The following MYH6 variants were observed in gnomAD, a reference collection of about 807,000 sequenced individuals.
MYH6 encodes the protein myosin-6.
MYH6 carries 126 observed loss-of-function variants against 223.2 expected under a neutral mutation model. The observed-to-expected ratio is 0.56, with a 90% CI of 0.49 to 0.65. The LOEUF is 0.65. Ranked by LOEUF, MYH6 falls within the 30% of genes least tolerant of loss-of-function variation. MYH6 has a pLI of 0.00. For synonymous variants in MYH6, 978 were observed against 1,010.2 expected (o/e 0.97, Z 0.61); for missense variants, 2,040 against 2,536.4 (o/e 0.80, Z 4.20).
intron 3 of MYH6, among the ~76,000 whole-genome samples, chr14:23,406,194 C>A (rs1891781462): frequency 6.6e-6 from 1 of 152,210 alleles, no homozygotes; most frequent in Non-Finnish European, 1.5e-5. Flanking sequence ...TTCACCCCTG[C>A]TGGAAAAGTA....
rs371661383 is a variant in MYH6, at chr14:23,386,303, G to A, written c.4959+12C>T. 8.1e-5 allele frequency: 130 copies of A among 1,614,044 alleles called. 1 individual carries two copies. The highest frequency in any genetic ancestry group is 1.6e-4 in the African/African-American group (12 of 75,022). On this transcript the variant is annotated intron_variant, in intron 33 of 38. Transcript: ENST00000405093. ...GGCCAGTCCCCTGAGGGGACCTCCC[G>A]CCCCCATGTACCTTCAGCAAGCTCT...
Position 23,382,462 on chromosome 14 carries a change from T to C in MYH6, c.5762A>G (p.Lys1921Arg). The change falls in exon 38 of 39, where the codon AAG becomes AGG. Residue 1921 changes from lysine (K) to arginine (R), a missense_variant. Coordinates refer to ENST00000405093, the MANE Select transcript of MYH6 (RefSeq NM_002471.4). ...AATGTCACGGCTCTTGGCTCGAAGCTTGTTGACCTGGGACTCAGCGATGTC... is the reference window on the plus strand; with the variant it reads ...AATGTCACGGCTCTTGGCTCGAAGCCTGTTGACCTGGGACTCAGCGATGTC... ...RADIAESQVNKLRAKSRDIGA... is the reference protein window; with the variant it reads ...RADIAESQVNRLRAKSRDIGA... 1.2e-6 allele frequency: 2 copies of C among 1,614,120 alleles called. No homozygotes were observed. Among genetic ancestry groups the C allele is most frequent in the Middle Eastern group, 1.6e-4 (1 of 6,062 alleles).
Position 23,397,510 on chromosome 14 carries a change from C to T in MYH6, c.1962+33G>A, listed in dbSNP as rs768246569. 15 of 1,610,336 alleles carry T rather than the reference C, an allele frequency of 9.3e-6. No homozygotes were observed. In the South Asian group the frequency reaches 1.6e-4, roughly 18 times the overall value. On this transcript the variant is annotated intron_variant, in intron 16 of 38. Coordinates refer to ENST00000405093, the MANE Select transcript of MYH6 (RefSeq NM_002471.4). Reference sequence around the variant, plus strand: ...GAAGTCTCTGGGCTGGGCCATTCCACCAGGTGTCCTGGCACCCCTGGGCCC... The same window carrying T: ...GAAGTCTCTGGGCTGGGCCATTCCATCAGGTGTCCTGGCACCCCTGGGCCC...
intron 15 of MYH6, among the ~76,000 whole-genome samples, chr14:23,398,514 A>G (rs1157230879): frequency 6.6e-6 from 1 of 152,228 alleles, no homozygotes; most frequent in African/African-American, 2.4e-5. Context: ...TCTTGAGGAA[A>G]CATGAGACAG....
chr14:23,398,451 G>A (rs1891496890), intron 15 of MYH6, among the ~76,000 whole-genome samples: 1 of 152,136 alleles, frequency 6.6e-6, no homozygotes, highest in South Asian at 2.1e-4. Flanking sequence ...TTCCCTGCTG[G>A]GCATGGTACA....
chr14:23,385,876 C>T, intron 34 of MYH6, 52 bp downstream of exon 34: 2 of 1,613,010 alleles, frequency 1.2e-6, no homozygotes. Context: ...TTCTAGATGT[C>T]CTGGGCTCTG....
chr14:23,386,252 A>T, intron 33 of MYH6, 63 bp downstream of exon 33: 1 of 1,613,362 alleles, frequency 6.2e-7, no homozygotes, highest in South Asian at 1.1e-5. Flanking sequence ...GTATCCAGAC[A>T]CCACTGCTTC....
intron 26 of MYH6, 47 bp from the exon 27 acceptor site, chr14:23,389,766 G>A (rs371327775): frequency 5.3e-5 from 86 of 1,613,806 alleles, no homozygotes; most frequent in South Asian, 3.2e-4. Flanking sequence ...GGGCTGAGTC[G>A]ACCAGAGGAA....
In MYH6 at chr14:23,389,735, C is replaced by T. The variant is rs993557555; in HGVS notation, c.3733-16G>A. ...CCAGGTTTGCCTTCAGGAAGCAAGA[C>T]AGGAAGGGTGAGTGTGGGAGGGGCT... On this transcript the variant is annotated splice_polypyrimidine_tract_variant and intron_variant, in intron 26 of 38. Coordinates refer to ENST00000405093, the MANE Select transcript of MYH6 (RefSeq NM_002471.4). The T allele has an allele frequency of 6.2e-6, 10 of 1,614,060 alleles. No individual in the cohort carries two copies. Among genetic ancestry groups the T allele is most frequent in the Non-Finnish European group, 7.6e-6 (9 of 1,180,022 alleles).
Position 23,405,397 on chromosome 14 carries a change from G to A in MYH6, c.346-18C>T. The A allele has an allele frequency of 6.2e-7, 1 of 1,614,094 alleles. No homozygotes were observed. The highest frequency in any genetic ancestry group is 8.5e-7 in the Non-Finnish European group (1 of 1,179,956). ...GAGTAGGTCTGGAGCAGGAGACAAGGCTGGGCATGAGGTTGGTGGGGAGAG... is the reference window on the plus strand; with the variant it reads ...GAGTAGGTCTGGAGCAGGAGACAAGACTGGGCATGAGGTTGGTGGGGAGAG... On this transcript the variant is annotated intron_variant, in intron 4 of 38. Coordinates refer to ENST00000405093, the MANE Select transcript of MYH6 (RefSeq NM_002471.4). This position sits in a 1 kb window ranked among gnomAD's most constrained non-coding sequence, Gnocchi z 4.7.
In MYH6 at chr14:23,405,899, C is replaced by G. The variant is rs567648968; in HGVS notation, c.202-129G>C. 2 of 1,146,806 alleles carry G rather than the reference C, an allele frequency of 1.7e-6. No homozygotes were observed. The highest frequency in any genetic ancestry group is 1.5e-5 in the African/African-American group (1 of 65,976). 71.0% of individuals were successfully genotyped at this position (1,146,806 alleles called of 1,614,324 possible). A position where few individuals can be genotyped will look rare whatever the true frequency, so the allele number is the denominator to read the frequency against. On this transcript the variant is annotated intron_variant, in intron 3 of 38. Coordinates refer to ENST00000405093, the MANE Select transcript of MYH6 (RefSeq NM_002471.4). This position sits in a 1 kb window ranked among gnomAD's most constrained non-coding sequence, Gnocchi z 4.7. ...GCTCCCCTTGCTCTGACCAGTGCCC[C>G]GGCCCCTACCCCGATGTCCCCTGGG...
Position 23,383,329 on chromosome 14 carries a change from G to C in MYH6, c.5566-9C>G. Reference sequence around the variant, plus strand: ...TTTTTGTCTTCCTCTGTCTGGGGGTGGGAGGGTGGGAGAAGCTGGTTTGGA... The same window carrying C: ...TTTTTGTCTTCCTCTGTCTGGGGGTCGGAGGGTGGGAGAAGCTGGTTTGGA... On this transcript the variant is annotated splice_polypyrimidine_tract_variant and intron_variant, in intron 36 of 38. Coordinates refer to ENST00000405093, the MANE Select transcript of MYH6 (RefSeq NM_002471.4). 1.6e-6 allele frequency: 1 copy of C among 641,282 alleles called. No homozygotes were observed. The highest frequency in any genetic ancestry group is 2.7e-6 in the Non-Finnish European group (1 of 367,740). 39.7% of individuals were successfully genotyped at this position (641,282 alleles called of 1,614,324 possible).
intron 16 of MYH6, 77 bp from the exon 17 acceptor site, chr14:23,397,334 C>G: frequency 1.4e-6 from 2 of 1,426,316 alleles, no homozygotes; most frequent in Non-Finnish European, 2.0e-6. Flanking sequence ...TCCCCAGACA[C>G]TCTCCACCAG....
chr14:23,404,828 G>T lies in MYH6; in HGVS notation c.531-6C>A. On this transcript the variant is annotated splice_region_variant and splice_polypyrimidine_tract_variant and intron_variant, in intron 6 of 38. Transcript: ENST00000405093. ...TCCCCGCCCCGGATTCTCCCCTGGG[G>T]GCCACAGAGACCAATCAAAACTCAG... The T allele has an allele frequency of 6.2e-7, 1 of 1,612,890 alleles. No homozygotes were observed. The highest frequency in any genetic ancestry group is 1.1e-5 in the South Asian group (1 of 91,054).
intron 25 of MYH6, 61 bp from the exon 26 acceptor site, chr14:23,390,507 G>C: frequency 6.3e-7 from 1 of 1,580,540 alleles, no homozygotes; most frequent in Non-Finnish European, 8.6e-7. Context: ...AATCCCCCCG[G>C]CTCTGAAAAG....
chr14:23,402,295 G>C (rs912257358), intron 12 of MYH6, among the ~76,000 whole-genome samples, 169 bp downstream of exon 12: 1 of 152,020 alleles, frequency 6.6e-6, no homozygotes, highest in Non-Finnish European at 1.5e-5. Flanking sequence ...TGAGGAGTTG[G>C]GATTGTGGTG....
At chr14:23,389,788 T>A in intron 26 of MYH6, 69 bp from the exon 27 acceptor site, 2 of 1,611,416 alleles carry the variant, frequency 1.2e-6, no homozygotes, top group Non-Finnish European at 8.5e-7. Flanking sequence ...GAAGAGAGGG[T>A]CAGAGATGGG....
intron 15 of MYH6, 133 bp from the exon 16 acceptor site, chr14:23,397,746 T>C: frequency 1.1e-6 from 1 of 949,112 alleles, no homozygotes; most frequent in East Asian, 2.5e-5. Flanking sequence ...CAGTTTACCA[T>C]GAGGATGACA....
At position 23,383,339 on chromosome 14, in the gene MYH6, G is replaced by GGGGGGGGGCCCCCCCCCCCCCC; in HGVS notation, c.5566-20_5566-19insGGGGGGGGGGGGGGCCCCCCCC. Reference sequence around the variant, plus strand: ...CCTCTGTCTGGGGGTGGGAGGGTGGGAGAAGCTGGTTTGGAGGGGGAGCAA... The same window carrying GGGGGGGGGCCCCCCCCCCCCCC: ...CCTCTGTCTGGGGGTGGGAGGGTGGGGGGGGGGGCCCCCCCCCCCCCCAGAAGCTGGTTTGGAGGGGGAGCAA... On this transcript the variant is annotated intron_variant, in intron 36 of 38. Transcript: ENST00000405093. 9.2e-6 allele frequency: 1 copy of GGGGGGGGGCCCCCCCCCCCCCC among 108,188 alleles called. No individual in the cohort carries two copies. The highest frequency in any genetic ancestry group is 2.3e-4 in the East Asian group (1 of 4,410). The allele number at this position is 108,188 out of a possible 1,614,324, so 6.7% of individuals were successfully genotyped here.
Sources: allele counts gnomAD v4.1 joint callset (sites outside exome capture counted in the v4.1 genomes callset), GRCh38; gene constraint gnomAD v4.1.1; non-coding constraint Gnocchi (gnomAD v3.1); transcripts MANE v1.5; gene names NCBI Gene and HGNC (gene_info 2026-07-23, HGNC 2026-07-21).